Variants in ZNF688 observed in about 807,000 individuals in gnomAD.
ZNF688 encodes the protein zinc finger protein 688.
In ZNF688, 10 loss-of-function variants were observed where a neutral mutation model predicts 13.2. That is an observed-to-expected ratio of 0.76 (90% CI 0.47 to 1.28). ZNF688 has a LOEUF of 1.28. Among genes scored for constraint, ZNF688 ranks in the 50% most tolerant of loss-of-function variants. ZNF688 has a pLI of 0.00. For missense variants in ZNF688, 381 were observed against 391.4 expected (o/e 0.97, Z 0.22); for synonymous variants, 160 against 159.4 (o/e 1.00, Z -0.03).
chr16:30,570,906 A>C, intron 2 of ZNF688, 104 bp downstream of exon 2: 1 of 1,218,686 alleles, frequency 8.2e-7, no homozygotes, highest in South Asian at 1.3e-5. Context: ...TACCCAACAC[A>C]GTTGAATTTC....
upstream of ZNF688, among the ~76,000 whole-genome samples, chr16:30,577,609 C>T (rs1041827247): frequency 2.1e-4 from 31 of 151,102 alleles, no homozygotes; most frequent in African/African-American, 6.8e-4. Flanking sequence ...CTCCTGACCT[C>T]GTGATCCGCC....
Position 30,569,930 on chromosome 16 carries a change from C to G in ZNF688, c.817G>C (p.Glu273Gln), listed in dbSNP as rs779655490. The G allele has an allele frequency of 5.8e-6, 9 of 1,554,220 alleles. No individual in the cohort carries two copies. The highest frequency in any genetic ancestry group is 7.8e-6 in the Non-Finnish European group (9 of 1,150,946). Residue 273 changes from glutamate (E) to glutamine (Q), a missense_variant, in exon 3 of 3, where the codon GAG becomes CAG. Physicochemically the swap from Glu to Gln is conservative, Grantham distance 29. Coordinates refer to ENST00000223459, the MANE Select transcript of ZNF688 (RefSeq NM_145271.4). ...VLFRHYPDIF[E>Q]ECG is the part of the protein sequence containing the mutation. ...TGCGGTGCCGCTCAGCCGCACTCCT[C>G]GAAGATGTCTGGGTAGTGCCGGAAG...
At chr16:30,574,327 C>T (rs1001123878), upstream of ZNF688, among the ~76,000 whole-genome samples, 3 of 152,080 alleles carry the variant, frequency 2.0e-5, no homozygotes, top group African/African-American at 4.8e-5. Context: ...GGGAGGATCA[C>T]CTGAGGTCAG....
chr16:30,571,567 C>A lies in ZNF688; in HGVS notation c.63G>T (p.Arg21Ser), dbSNP rs555211351. The A allele has an allele frequency of 8.5e-5, 134 of 1,569,822 alleles. 1 individual carries two copies. In the African/African-American group the frequency reaches 1.7e-3, roughly 20 times the overall value. The change falls in exon 1 of 3, where the codon AGG (arginine) becomes AGT (serine). Residue 21 changes from arginine to serine, a missense_variant. Coordinates refer to ENST00000223459, the MANE Select transcript of ZNF688 (RefSeq NM_145271.4). The part of the protein sequence containing the change: ...PRPGETRPGC[R>S]KPGTVSFADV... Reference sequence around the variant, plus strand: ...CCGCGAAGCTCACAGTCCCGGGCTTCCTGCAACCAGGCCGGGTCTCCCCGG... The same window carrying A: ...CCGCGAAGCTCACAGTCCCGGGCTTACTGCAACCAGGCCGGGTCTCCCCGG...
chr16:30,570,554 C>A, intron 2 of ZNF688, 118 bp from the exon 3 acceptor site: 2 of 1,284,334 alleles, frequency 1.6e-6, no homozygotes, highest in Non-Finnish European at 2.1e-6. Flanking sequence ...AACACACAGG[C>A]TTTAGAACAA....
upstream of ZNF688, chr16:30,572,315 G>T (rs761556394): frequency 6.4e-6 from 9 of 1,407,690 alleles, no homozygotes; most frequent in South Asian, 4.7e-5. Flanking sequence ...GTCTCTTACC[G>T]TGCCTCCCGA....
At chr16:30,575,251 T>C (rs1356467372), upstream of ZNF688, among the ~76,000 whole-genome samples, 1 of 149,286 alleles carries the variant, frequency 6.7e-6, no homozygotes, top group African/African-American at 2.5e-5. Flanking sequence ...GGTAGTTCTT[T>C]TTTTTTTTTT....
chr16:30,571,593 GC>G lies in ZNF688; in HGVS notation c.36del (p.Arg12SerfsTer15). The G allele has an allele frequency of 6.5e-7, 1 of 1,534,424 alleles. No individual in the cohort carries two copies. The highest frequency in any genetic ancestry group is 8.8e-7 in the Non-Finnish European group (1 of 1,141,846). On this transcript the variant is annotated frameshift_variant, in exon 1 of 3. Coordinates refer to ENST00000223459, the MANE Select transcript of ZNF688 (RefSeq NM_145271.4). LOFTEE classifies it high-confidence loss of function. ...APPPAPLLAP[R>X]PGETRPGCRK... Reference sequence around the variant, plus strand: ...CTGCAACCAGGCCGGGTCTCCCCGGGCCTCGGCGCCAGGAGCGGGGCTGGGG... The same window carrying G: ...CTGCAACCAGGCCGGGTCTCCCCGGGCTCGGCGCCAGGAGCGGGGCTGGGG...
Position 30,570,376 on chromosome 16 carries a change from C to G in ZNF688, c.371G>C (p.Arg124Thr). 1 of 1,613,996 alleles carries G rather than the reference C, an allele frequency of 6.2e-7. No individual in the cohort carries two copies. Reference sequence around the variant, plus strand: ...AGGACTCTCCTTCACAGGAGCCTTTCTAGGCCCTTTGGCTCTTGGGACTTC... The same window carrying G: ...AGGACTCTCCTTCACAGGAGCCTTTGTAGGCCCTTTGGCTCTTGGGACTTC... The part of the protein sequence containing the change: ...PEEVPRAKGP[R>T]KAPVKESPEV... The change falls in exon 3 of 3, where the codon AGA becomes ACA. Residue 124 changes from arginine (R) to threonine (T), a missense_variant. Arg to Thr is a moderately conservative substitution (Grantham distance 71, BLOSUM62 -1). Transcript: ENST00000223459.
At chr16:30,572,098 G>T, upstream of ZNF688, 5 of 1,540,630 alleles carry the variant, frequency 3.2e-6, no homozygotes, top group Non-Finnish European at 3.5e-6. Context: ...CAAGAAAGAT[G>T]TAAGGGCCCG....
the ZNF688 span, chr16:30,579,741 A>G: frequency 2.2e-6 from 1 of 452,024 alleles, no homozygotes; most frequent in Non-Finnish European, 4.4e-6. Context: ...TCAAAGAGAT[A>G]TTTGAGTCAC....
upstream of ZNF688, chr16:30,573,800 ATTAT>A (rs2051720504): frequency 3.6e-6 from 1 of 279,604 alleles, no homozygotes; most frequent in Non-Finnish European, 6.9e-6. Context: ...TAATTGATTA[ATTAT>A]TAATTGTTAA....
chr16:30,575,923 TG>T (rs1419493351), upstream of ZNF688, among the ~76,000 whole-genome samples: 1 of 152,230 alleles, frequency 6.6e-6, no homozygotes, highest in African/African-American at 2.4e-5. Flanking sequence ...CCCAAAATGC[TG>T]GGATTACAGG....
upstream of ZNF688, among the ~76,000 whole-genome samples, chr16:30,574,555 A>C (rs1046511666): frequency 9.2e-5 from 14 of 152,070 alleles, no homozygotes; most frequent in East Asian, 1.9e-4. Flanking sequence ...AAAAAAAAAA[A>C]AAACAAACAA....
upstream of ZNF688, chr16:30,572,286 C>A: frequency 6.6e-7 from 1 of 1,504,854 alleles, no homozygotes; most frequent in Non-Finnish European, 8.9e-7. Flanking sequence ...CTGCGGTGCT[C>A]GGGATTGTGT....
Position 30,571,704 on chromosome 16 carries a change from G to A in ZNF688, c.-75C>T. 10 of 1,354,802 alleles carry A rather than the reference G, an allele frequency of 7.4e-6. No homozygotes were observed. Among genetic ancestry groups the A allele is most frequent in the Non-Finnish European group, 9.4e-6 (10 of 1,059,392 alleles). 83.9% of individuals were successfully genotyped at this position (1,354,802 alleles called of 1,614,324 possible). ...CTCCCCGCTCCCGGCCTCAGCTGTC[G>A]TTGTCCACAGGAAGGGCGGCCCCGC... On this transcript the variant is annotated 5_prime_UTR_variant, in exon 1 of 3. In the 5' UTR this introduces an upstream ATG that the reference lacks. Transcript: ENST00000223459.
At chr16:30,570,919 T>C (rs754431584) in intron 2 of ZNF688, 91 bp downstream of exon 2, 3 of 1,339,792 alleles carry the variant, frequency 2.2e-6, no homozygotes, top group Non-Finnish European at 3.2e-6. Context: ...TGAATTTCTT[T>C]AGGGATGCTG....
At position 30,571,683 on chromosome 16, in the gene ZNF688, C is replaced by T. The variant is rs1353683973; in HGVS notation, c.-54G>A. The stretch of plus-strand genomic sequence containing the variant: ...CCAGGTCCCTGGAGCCGCCGCCTCC[C>T]CGCTCCCGGCCTCAGCTGTCGTTGT... On this transcript the variant is annotated 5_prime_UTR_variant, in exon 1 of 3. Coordinates refer to ENST00000223459, the MANE Select transcript of ZNF688 (RefSeq NM_145271.4). 1 of 1,359,870 alleles carries T rather than the reference C, an allele frequency of 7.4e-7. No individual in the cohort carries two copies. The highest frequency in any genetic ancestry group is 3.9e-5 in the Admixed American group (1 of 25,464). 84.2% of individuals were successfully genotyped at this position (1,359,870 alleles called of 1,614,324 possible).
At position 30,571,576 on chromosome 16, in the gene ZNF688, A is replaced by T; in HGVS notation, c.54T>A (p.Pro18=). 1 of 1,561,912 alleles carries T rather than the reference A, an allele frequency of 6.4e-7. No homozygotes were observed. Among genetic ancestry groups the T allele is most frequent in the Non-Finnish European group, 8.7e-7 (1 of 1,154,888 alleles). The change falls in exon 1 of 3, where the codon CCT becomes CCA. Residue 18 remains proline (P), a synonymous_variant. Coordinates refer to ENST00000223459, the MANE Select transcript of ZNF688 (RefSeq NM_145271.4). The part of the protein sequence containing the change: ...LLAPRPGETR[P]GCRKPGTVSF... Reference sequence around the variant, plus strand: ...TCACAGTCCCGGGCTTCCTGCAACCAGGCCGGGTCTCCCCGGGCCTCGGCG... The same window carrying T: ...TCACAGTCCCGGGCTTCCTGCAACCTGGCCGGGTCTCCCCGGGCCTCGGCG...
Sources: allele counts gnomAD v4.1 joint callset (sites outside exome capture counted in the v4.1 genomes callset), GRCh38; gene constraint gnomAD v4.1.1; transcripts MANE v1.5; gene names NCBI Gene and HGNC (gene_info 2026-07-23, HGNC 2026-07-21).